The following SCAMP1 variants were observed in gnomAD, a reference collection of about 807,000 sequenced individuals.
SCAMP1 encodes secretory carrier membrane protein 1, also known as secretory carrier-associated membrane protein 1.
A neutral mutation model predicts 41.8 loss-of-function variants in SCAMP1; 15 were observed. The observed-to-expected ratio is 0.36, with a 90% CI of 0.24 to 0.55. The LOEUF is 0.55. Among genes scored for constraint, SCAMP1 ranks in the 20% least tolerant of loss-of-function variants. SCAMP1 has a pLI of 0.86. For synonymous variants in SCAMP1, 135 were observed against 136.8 expected (o/e 0.99, Z 0.09); for missense variants, 341 against 412.6 (o/e 0.83, Z 1.50).
chr5:78,366,354 G>C (rs186303386), intron 1 of SCAMP1, among the ~76,000 whole-genome samples: 2 of 152,184 alleles, frequency 1.3e-5, no homozygotes, highest in African/African-American at 4.8e-5. Context: ...ATGTTGGCCA[G>C]GCTGGCCTTG....
rs1754056547 is a variant in SCAMP1, at chr5:78,478,489, T to C, written c.*2821T>C. On this transcript the variant is annotated 3_prime_UTR_variant, in exon 9 of 9. Transcript: ENST00000621999. ...TTCTGTTGCATTAGACCTTTACAGG[T>C]AATGGAACATGAGCTTCACCCATAT... 2 of 152,396 alleles carry C rather than the reference T, an allele frequency of 1.3e-5. No individual in the cohort carries two copies. The highest frequency in any genetic ancestry group is 4.8e-5 in the African/African-American group (2 of 41,458). The allele number at this position is 152,396 out of a possible 1,614,324, so 9.4% of individuals were successfully genotyped here.
At chr5:78,417,474 T>C (rs1044419094) in intron 4 of SCAMP1, among the ~76,000 whole-genome samples, 1 of 152,224 alleles carries the variant, frequency 6.6e-6, no homozygotes. Flanking sequence ...ATCCTATTTC[T>C]TTAGCACTGG....
intron 2 of SCAMP1, among the ~76,000 whole-genome samples, chr5:78,410,180 A>C (rs982321945): frequency 3.3e-5 from 5 of 151,832 alleles, no homozygotes; most frequent in Non-Finnish European, 7.4e-5. Context: ...TAGGTTTGTT[A>C]CATAGGCAAA....
At chr5:78,468,559 A>T (rs1412719192) in intron 8 of SCAMP1, among the ~76,000 whole-genome samples, 3 of 152,034 alleles carry the variant, frequency 2.0e-5, no homozygotes, top group African/African-American at 7.2e-5. Flanking sequence ...TCCTTTTGGG[A>T]CCTGATTTTG....
chr5:78,361,083 G>T (rs1032312944), intron 1 of SCAMP1: 2 of 229,106 alleles, frequency 8.7e-6, no homozygotes, highest in Non-Finnish European at 8.6e-6. Flanking sequence ...CCAAGCAAGT[G>T]TGGCTGGCAG....
intron 1 of SCAMP1, among the ~76,000 whole-genome samples, chr5:78,384,556 A>G (rs190987043): frequency 3.3e-5 from 5 of 152,102 alleles, no homozygotes; most frequent in South Asian, 2.1e-4. Context: ...AATGCTTTCA[A>G]GTTTTCCCCG....
chr5:78,437,238 T>G (rs1360508165), intron 6 of SCAMP1, among the ~76,000 whole-genome samples: 1 of 152,232 alleles, frequency 6.6e-6, no homozygotes, highest in African/African-American at 2.4e-5. Flanking sequence ...GGCCAGAACT[T>G]CCAACACTAT....
intron 2 of SCAMP1, among the ~76,000 whole-genome samples, chr5:78,402,782 G>C (rs2112112619): frequency 6.6e-6 from 1 of 152,064 alleles, no homozygotes; most frequent in East Asian, 1.9e-4. Context: ...GATGTTCAAA[G>C]TGATTATTGA....
chr5:78,424,991 G>A (rs919458487), intron 6 of SCAMP1, among the ~76,000 whole-genome samples: 22 of 152,162 alleles, frequency 1.4e-4, no homozygotes, highest in African/African-American at 5.3e-4. Flanking sequence ...AGGTTTAAAT[G>A]AGGGATATTT....
chr5:78,418,677 G>A (rs1752265634), intron 4 of SCAMP1, 98 bp from the exon 5 acceptor site: 4 of 768,590 alleles, frequency 5.2e-6, no homozygotes, highest in South Asian at 2.1e-5. Flanking sequence ...CTGAACTTTT[G>A]TTAACATAAT....
rs2112148337 is a variant in SCAMP1, at chr5:78,422,038, T to C, written c.632+78T>C. Reference sequence around the variant, plus strand: ...TTCGTAGTATACATTAAAGGGAAAATTGATGCATTTTCATTAAAAAATTCT... The same window carrying C: ...TTCGTAGTATACATTAAAGGGAAAACTGATGCATTTTCATTAAAAAATTCT... On this transcript the variant is annotated intron_variant, in intron 6 of 8. Coordinates refer to ENST00000621999, the MANE Select transcript of SCAMP1 (RefSeq NM_004866.6). 11 of 1,232,542 alleles carry C rather than the reference T, an allele frequency of 8.9e-6. No homozygotes were observed. The South Asian group carries it at 1.6e-4, about 17-fold the overall frequency. 76.4% of individuals were successfully genotyped at this position (1,232,542 alleles called of 1,614,324 possible). A position where few individuals can be genotyped will look rare whatever the true frequency, so the allele number is the denominator to read the frequency against.
At position 78,475,596 on chromosome 5, in the gene SCAMP1, C is replaced by A; in HGVS notation, c.945C>A (p.Thr315=). 1 of 1,608,168 alleles carries A rather than the reference C, an allele frequency of 6.2e-7. No individual in the cohort carries two copies. The highest frequency in any genetic ancestry group is 1.1e-5 in the South Asian group (1 of 90,010). The change falls in exon 9 of 9, where the codon ACC becomes ACA. Residue 315 remains threonine, a synonymous_variant. Transcript: ENST00000621999. The part of the protein sequence containing the change: ...TGVMSNKTVQ[T]AAANAASTAA... ...TGATGTCCAACAAAACTGTCCAGAC[C>A]GCAGCTGCAAATGCAGCTTCAACTG...
At chr5:78,386,639 T>C (rs779310317) in intron 1 of SCAMP1, among the ~76,000 whole-genome samples, 8 of 152,170 alleles carry the variant, frequency 5.3e-5, no homozygotes, top group Non-Finnish European at 8.8e-5. Flanking sequence ...TTTCATAGTT[T>C]TTGTAGTGCT....
At chr5:78,391,847 A>C (rs531101046) in intron 2 of SCAMP1, among the ~76,000 whole-genome samples, 16 of 152,278 alleles carry the variant, frequency 1.1e-4, no homozygotes, top group Non-Finnish European at 1.8e-4. Flanking sequence ...TCCACCAAAA[A>C]AATACAAAAA....
intron 2 of SCAMP1, among the ~76,000 whole-genome samples, chr5:78,412,942 GTTTCAGGGACTA>G (rs951796123): frequency 1.7e-4 from 26 of 152,216 alleles, no homozygotes; most frequent in African/African-American, 6.0e-4. Context: ...AGCATCTACT[GTTTCAGGGACTA>G]TTTTGGGTAC....
At chr5:78,363,831 C>G (rs796739244) in intron 1 of SCAMP1, among the ~76,000 whole-genome samples, 4 of 152,158 alleles carry the variant, frequency 2.6e-5, no homozygotes, top group African/African-American at 9.6e-5. Flanking sequence ...TGTTGAGCCC[C>G]TGCTTTATAT....
At chr5:78,380,624 T>C (rs1751180919) in intron 1 of SCAMP1, among the ~76,000 whole-genome samples, 1 of 152,252 alleles carries the variant, frequency 6.6e-6, no homozygotes, top group Non-Finnish European at 1.5e-5. Flanking sequence ...TGGTTACTAC[T>C]GCTGCTATTA....
chr5:78,375,884 G>A (rs562908812), intron 1 of SCAMP1, among the ~76,000 whole-genome samples: 25 of 152,114 alleles, frequency 1.6e-4, no homozygotes, highest in African/African-American at 2.9e-4. Flanking sequence ...AATTTCTGCC[G>A]CATATGCAAT....
chr5:78,439,326 T>C (rs186652666), intron 6 of SCAMP1, among the ~76,000 whole-genome samples: 66 of 152,348 alleles, frequency 4.3e-4, no homozygotes, highest in African/African-American at 1.5e-3. Context: ...CCTTTACAAT[T>C]TGGCATGTTT....
Sources: allele counts gnomAD v4.1 joint callset (sites outside exome capture counted in the v4.1 genomes callset), GRCh38; gene constraint gnomAD v4.1.1; transcripts MANE v1.5; gene names NCBI Gene and HGNC (gene_info 2026-07-23, HGNC 2026-07-21).